The following DGKQ variants were observed in gnomAD, a reference collection of about 807,000 sequenced individuals.
The protein encoded by DGKQ is DAG kinase theta.
DGKQ carries 97 observed loss-of-function variants against 104.2 expected under a neutral mutation model. The ratio of observed to expected loss-of-function variants is 0.93; its 90% CI spans 0.79 to 1.10. The LOEUF is 1.10. DGKQ is among the 50% of genes least tolerant of loss of function. The pLI is 0.00. For missense variants in DGKQ, 1,465 were observed against 1,352.1 expected (o/e 1.08, Z -1.31); for synonymous variants, 736 against 595.2 (o/e 1.24, Z -3.44).
chr4:968,551 G>A lies in DGKQ; in HGVS notation c.465C>T (p.His155=), dbSNP rs1490296431. 3 of 1,608,708 alleles carry A rather than the reference G, an allele frequency of 1.9e-6. No individual in the cohort carries two copies. Among genetic ancestry groups the A allele is most frequent in the Non-Finnish European group, 2.5e-6 (3 of 1,178,050 alleles). The part of the protein sequence containing the change: ...PALHCEVCEL[H]LHPDCVPFAC... ...CGAAGGGCACACAGTCTGGGTGGAG[G>A]TGCAGCTCACACACTGGGGGGCAGG... The change falls in exon 4 of 23, where the codon CAC becomes CAT. Residue 155 remains histidine (H), a synonymous_variant. Coordinates refer to ENST00000273814, the MANE Select transcript of DGKQ (RefSeq NM_001347.4).
At chr4:966,616 G>A in intron 11 of DGKQ, 89 bp from the exon 12 acceptor site, 4 of 1,507,900 alleles carry the variant, frequency 2.7e-6, no homozygotes, top group Non-Finnish European at 3.6e-6. Context: ...CCGTGGGGAT[G>A]CAGGGTGGAG....
rs777017632 is a variant in DGKQ, at chr4:962,567, G to A, written c.2082C>T (p.Gly694=). The A allele has an allele frequency of 1.4e-5, 23 of 1,609,654 alleles. No individual in the cohort carries two copies. The highest frequency in any genetic ancestry group is 4.5e-5 in the East Asian group (2 of 44,890). The change falls in exon 18 of 23, where the codon GGC becomes GGT. Residue 694 remains glycine, a synonymous_variant. Coordinates refer to ENST00000273814, the MANE Select transcript of DGKQ (RefSeq NM_001347.4). ...ACAGCAGTACGGAGAACGGGTCCTC[G>A]CCGCTGTAGCCCGCCCCCCAGCGGA... ...RVLRWGAGYS[G]EDPFSVLLSV...
In DGKQ at chr4:962,973, C is replaced by T. The variant is rs113903817; in HGVS notation, c.1887-53G>A. The T allele has an allele frequency of 2.1e-4, 321 of 1,560,026 alleles. 1 individual carries two copies. In the African/African-American group the frequency reaches 3.7e-3, roughly 18 times the overall value. Reference sequence around the variant, plus strand: ...CCAGCTGCGGGCGCAGCCCATCCCCCACCCAGGCTGCCTCTTCCAAGTGCC... The same window carrying T: ...CCAGCTGCGGGCGCAGCCCATCCCCTACCCAGGCTGCCTCTTCCAAGTGCC... On this transcript the variant is annotated intron_variant, in intron 16 of 22. Transcript: ENST00000273814.
rs758462233 is a variant in DGKQ at position 961,165 on chromosome 4, T to C, written c.2611A>G (p.Ile871Val). The C allele has an allele frequency of 2.5e-6, 4 of 1,592,992 alleles. No individual in the cohort carries two copies. The highest frequency in any genetic ancestry group is 3.4e-6 in the Non-Finnish European group (4 of 1,170,260). The change falls in exon 22 of 23, where the codon ATT becomes GTT. Residue 871 changes from isoleucine (I) to valine (V), a missense_variant. Coordinates refer to ENST00000273814, the MANE Select transcript of DGKQ (RefSeq NM_001347.4). ...VQGGLRSGIR[I>V]AQGSYFRVTL... ...ACTCGGAAGTAGGAACCCTGGGCAATCCGGATTCCGGAGCGCAGCCCACCC... is the reference window on the plus strand; with the variant it reads ...ACTCGGAAGTAGGAACCCTGGGCAACCCGGATTCCGGAGCGCAGCCCACCC...
Position 967,440 on chromosome 4 carries a change from G to T in DGKQ, c.988-79C>A, listed in dbSNP as rs1020667617. ...GTGGGGGGCAGGTCATGGAGGGGGAGGCCAGGTGGGTGAGGGGCGCCAGGT... is the reference window on the plus strand; with the variant it reads ...GTGGGGGGCAGGTCATGGAGGGGGATGCCAGGTGGGTGAGGGGCGCCAGGT... On this transcript the variant is annotated intron_variant, in intron 8 of 22. Transcript: ENST00000273814. The T allele has an allele frequency of 5.8e-5, 79 of 1,357,840 alleles. No homozygotes were observed. The African/African-American group carries it at 1.1e-3, about 19-fold the overall frequency. 84.1% of individuals were successfully genotyped at this position (1,357,840 alleles called of 1,614,324 possible). A position where few individuals can be genotyped will look rare whatever the true frequency, so the allele number is the denominator to read the frequency against.
Position 961,099 on chromosome 4 carries a change from G to T in DGKQ, c.2677C>A (p.Pro893Thr). Residue 893 changes from proline (P) to threonine (T), a missense_variant, in exon 22 of 23, where the codon CCC (proline) becomes ACC (threonine). Transcript: ENST00000273814. ...ATGTGCCCCGGGGCCTGGACCCAGG[G>T]CTCCCCGTCCACCTGCACCGGGGTG... ...KATPVQVDGE[P>T]WVQAPGHMII... 6.2e-7 allele frequency: 1 copy of T among 1,612,078 alleles called. No homozygotes were observed. Among genetic ancestry groups the T allele is most frequent in the East Asian group, 2.2e-5 (1 of 44,806 alleles).
In DGKQ at chr4:971,501, T is replaced by C. The variant is rs113463957; in HGVS notation, c.272-429A>G. ...CCCCGAAACTACGCATACCCCTAAT[T>C]GTCCCTGCTACGTGCTGTGCACCGT... On this transcript the variant is annotated intron_variant, in intron 1 of 22. Coordinates refer to ENST00000273814, the MANE Select transcript of DGKQ (RefSeq NM_001347.4). This position sits in a 1 kb window ranked among gnomAD's most constrained non-coding sequence, Gnocchi z 4.0. 9.9e-3 allele frequency among the ~76,000 whole-genome samples: 1,511 copies of C among 152,224 alleles called. 14 individuals are homozygous for C. The highest frequency in any genetic ancestry group is 0.016 in the Non-Finnish European group (1,055 of 67,986).
chr4:970,407 CCT>C (rs1275013876), intron 2 of DGKQ, among the ~76,000 whole-genome samples: 3 of 152,238 alleles, frequency 2.0e-5, no homozygotes, highest in African/African-American at 7.2e-5. Flanking sequence ...AGGGAAGTCC[CCT>C]GTGCCCTGCA....
Position 960,003 on chromosome 4 carries a change from C to G in DGKQ, c.*617G>C, listed in dbSNP as rs1166858425. On this transcript the variant is annotated 3_prime_UTR_variant, in exon 23 of 23. Transcript: ENST00000273814. ...GATCCAAGCTGCCATCTGTATATAA[C>G]AAGGCCAGAAAACAAGGGAAGGCAC... 1 of 152,802 alleles carries G rather than the reference C, an allele frequency of 6.5e-6. No homozygotes were observed. The highest frequency in any genetic ancestry group is 2.4e-5 in the African/African-American group (1 of 41,462). 9.5% of individuals were successfully genotyped at this position (152,802 alleles called of 1,614,324 possible). A position where few individuals can be genotyped will look rare whatever the true frequency, so the allele number is the denominator to read the frequency against.
chr4:966,369 A>G, intron 12 of DGKQ, 97 bp downstream of exon 12: 1 of 1,366,198 alleles, frequency 7.3e-7, no homozygotes, highest in Non-Finnish European at 1.0e-6. Flanking sequence ...TGCCTAGCCA[A>G]GGAGAACTCG....
At chr4:972,524 A>G (rs958672423) in intron 1 of DGKQ, among the ~76,000 whole-genome samples, 71 of 143,352 alleles carry the variant, frequency 5.0e-4, no homozygotes, top group African/African-American at 1.7e-3. Flanking sequence ...TCAAACGTCC[A>G]GAACTCCGGT....
chr4:965,120 C>T, intron 15 of DGKQ, 56 bp downstream of exon 15: 1 of 1,466,380 alleles, frequency 6.8e-7, no homozygotes, highest in South Asian at 1.1e-5. Context: ...CAGACCCCGA[C>T]CTCCCTCTGG....
Position 968,893 on chromosome 4 carries a change from G to C in DGKQ, c.369C>G (p.Cys123Trp). The change falls in exon 3 of 23, where the codon TGC becomes TGG. Residue 123 changes from cysteine to tryptophan, a missense_variant. Physicochemically the swap from Cys to Trp is radical, Grantham distance 215. Transcript: ENST00000273814. ...PSLVRVPVAH[C>W]FGPRGLHKRK... ...GCTTGTGGAGCCCCCGGGGGCCGAA[G>C]CAGTGGGCTACAGGAACCTGGTGGG... is the stretch of plus-strand genomic sequence containing the variant. The C allele has an allele frequency of 6.3e-7, 1 of 1,597,390 alleles. No individual in the cohort carries two copies. The highest frequency in any genetic ancestry group is 8.5e-7 in the Non-Finnish European group (1 of 1,169,846).
chr4:967,097 C>T lies in DGKQ; in HGVS notation c.1220+32G>A, dbSNP rs780064044. On this transcript the variant is annotated intron_variant, in intron 9 of 22. Transcript: ENST00000273814. ...GAGCTGGAGCTCCCCCCACCCCGCCCAGCAGACCCTGAGCCTCGGGCCCAG... is the reference window on the plus strand; with the variant it reads ...GAGCTGGAGCTCCCCCCACCCCGCCTAGCAGACCCTGAGCCTCGGGCCCAG... 5 of 1,552,610 alleles carry T rather than the reference C, an allele frequency of 3.2e-6. No homozygotes were observed. The East Asian group carries it at 1.2e-4, about 37-fold the overall frequency.
Position 971,670 on chromosome 4 carries a change from G to A in DGKQ, c.272-598C>T, listed in dbSNP as rs775512433. ...ACCTGAGCCGGCGGGGTGCTCAGGA[G>A]GGCATAAGAGGAGCAAGCGCCACAC... is the stretch of plus-strand genomic sequence containing the variant. On this transcript the variant is annotated intron_variant, in intron 1 of 22. Coordinates refer to ENST00000273814, the MANE Select transcript of DGKQ (RefSeq NM_001347.4). This position sits in a 1 kb window ranked among gnomAD's most constrained non-coding sequence, Gnocchi z 4.0. Among the ~76,000 whole-genome samples, 14 of 152,140 alleles carry A rather than the reference G, an allele frequency of 9.2e-5. No homozygotes were observed. Among genetic ancestry groups the A allele is most frequent in the Non-Finnish European group, 1.6e-4 (11 of 68,012 alleles).
chr4:967,703 T>G (rs1560517598), intron 7 of DGKQ, 25 bp downstream of exon 7: 1 of 1,611,732 alleles, frequency 6.2e-7, no homozygotes, highest in Non-Finnish European at 8.5e-7. Flanking sequence ...TCAGTGGAGT[T>G]GGGGGGAATG....
At position 968,029 on chromosome 4, in the gene DGKQ, T is replaced by A; in HGVS notation, c.664-2A>T. On this transcript the variant is annotated splice_acceptor_variant, in intron 5 of 22. Transcript: ENST00000273814. LOFTEE classifies it high-confidence loss of function. ...CGCCGCGGAGCAGAGGGAGTGCGCCTGGGGGGAGAAGGGCCTGAGCTGGGG... is the reference window on the plus strand; with the variant it reads ...CGCCGCGGAGCAGAGGGAGTGCGCCAGGGGGGAGAAGGGCCTGAGCTGGGG... The A allele has an allele frequency of 7.0e-7, 1 of 1,421,262 alleles. No individual in the cohort carries two copies. The highest frequency in any genetic ancestry group is 1.5e-5 in the South Asian group (1 of 65,840). The allele number at this position is 1,421,262 out of a possible 1,614,324, so 88.0% of individuals were successfully genotyped here. A position where few individuals can be genotyped will look rare whatever the true frequency, so the allele number is the denominator to read the frequency against.
Position 960,314 on chromosome 4 carries a change from G to A in DGKQ, c.*306C>T. 1 of 462,036 alleles carries A rather than the reference G, an allele frequency of 2.2e-6. No individual in the cohort carries two copies. The highest frequency in any genetic ancestry group is 4.0e-6 in the Non-Finnish European group (1 of 251,894). The allele number at this position is 462,036 out of a possible 1,614,324, so 28.6% of individuals were successfully genotyped here. ...AGGGATGGGTGCCCACCCCTGAGGA[G>A]AGGACCAGGCCCCCACAGGGCAGAG... On this transcript the variant is annotated 3_prime_UTR_variant, in exon 23 of 23. Coordinates refer to ENST00000273814, the MANE Select transcript of DGKQ (RefSeq NM_001347.4).
chr4:963,188 G>C lies in DGKQ; in HGVS notation c.1837C>G (p.Leu613Val), dbSNP rs780230155. Reference sequence around the variant, plus strand: ...AGGTCGAAGACCTGATGAGGGTTCAGTAGCTTCCGGAAGCTGCAGAGCAGG... The same window carrying C: ...AGGTCGAAGACCTGATGAGGGTTCACTAGCTTCCGGAAGCTGCAGAGCAGG... ...RDLLCSFRKLLNPHQVFDLTN... is the reference protein window; with the variant it reads ...RDLLCSFRKLVNPHQVFDLTN... Residue 613 changes from leucine to valine, a missense_variant, in exon 16 of 23, where the codon CTG (leucine) becomes GTG (valine). Physicochemically the swap from Leu to Val is conservative, Grantham distance 32. Transcript: ENST00000273814. 3.2e-5 allele frequency: 52 copies of C among 1,610,936 alleles called. 1 individual carries two copies. The highest frequency in any genetic ancestry group is 4.2e-5 in the Non-Finnish European group (50 of 1,178,502).
Sources: allele counts gnomAD v4.1 joint callset (sites outside exome capture counted in the v4.1 genomes callset), GRCh38; gene constraint gnomAD v4.1.1; non-coding constraint Gnocchi (gnomAD v3.1); transcripts MANE v1.5; gene names NCBI Gene and HGNC (gene_info 2026-07-23, HGNC 2026-07-21).